SPOCK1: variants seen among roughly 807,000 people sequenced by gnomAD.
SPOCK1 encodes SPARC (osteonectin), cwcv and kazal like domains proteoglycan 1, also known as testican-1.
Under a neutral mutation model 55.3 loss-of-function variants are expected in SPOCK1, and 23 were observed. The observed-to-expected ratio is 0.42, with a 90% CI of 0.30 to 0.59. SPOCK1 has a LOEUF of 0.59. SPOCK1 is among the 20% of genes least tolerant of loss of function. SPOCK1 has a pLI of 0.22. For missense variants in SPOCK1, 499 were observed against 552.5 expected (o/e 0.90, Z 0.97); for synonymous variants, 226 against 221.0 (o/e 1.02, Z -0.20).
At chr5:137,055,472 TCAC>T (rs1752285584) in intron 6 of SPOCK1, among the ~76,000 whole-genome samples, 1 of 152,246 alleles carries the variant, frequency 6.6e-6, no homozygotes, top group South Asian at 2.1e-4. Context: ...TTATTTTAAC[TCAC>T]TATGCTTTCC....
At position 137,298,377 on chromosome 5, in the gene SPOCK1, T is replaced by C. The variant is rs114863867; in HGVS notation, c.187-31322A>G. 4.3e-3 allele frequency among the ~76,000 whole-genome samples: 650 copies of C among 152,332 alleles called. 3 individuals are homozygous for C. The highest frequency in any genetic ancestry group is 0.015 in the African/African-American group (628 of 41,570). ...GTCAGAGAACAAACTTCATAACATT[T>C]CAATGGTTTGAAATGTGGGTCTTAT... is the stretch of plus-strand genomic sequence containing the variant. On this transcript the variant is annotated intron_variant, in intron 2 of 10. Coordinates refer to ENST00000394945, the MANE Select transcript of SPOCK1 (RefSeq NM_004598.4).
chr5:137,287,241 G>A (rs755373767), intron 2 of SPOCK1, among the ~76,000 whole-genome samples: 10 of 152,130 alleles, frequency 6.6e-5, no homozygotes, highest in Non-Finnish European at 1.0e-4. Flanking sequence ...GAAGACAGCC[G>A]GGGTCCAGTC....
chr5:137,106,271 C>A (rs1259269541), intron 5 of SPOCK1, among the ~76,000 whole-genome samples: 4 of 152,100 alleles, frequency 2.6e-5, no homozygotes, highest in Non-Finnish European at 5.9e-5. Context: ...TGAGACTGCC[C>A]ACTTGGGTGA....
intron 5 of SPOCK1, among the ~76,000 whole-genome samples, chr5:137,093,149 G>C (rs1023207755): frequency 2.0e-5 from 3 of 152,192 alleles, no homozygotes; most frequent in African/African-American, 7.2e-5. Context: ...TGGGGATTAA[G>C]TTTCAATATG....
At position 137,136,344 on chromosome 5, in the gene SPOCK1, G is replaced by C. The variant is rs901846515; in HGVS notation, c.347+4236C>G. On this transcript the variant is annotated intron_variant, in intron 4 of 10. Coordinates refer to ENST00000394945, the MANE Select transcript of SPOCK1 (RefSeq NM_004598.4). ...GAGCCCAGGAGTTCAAGGTTACAGT[G>C]AGCTATGATCGCTCCACTGCCCTTC... 2.0e-5 allele frequency among the ~76,000 whole-genome samples: 3 copies of C among 152,022 alleles called. No homozygotes were observed. The East Asian group carries it at 5.8e-4, about 29-fold the overall frequency.
At chr5:137,318,890 T>G (rs909856700) in intron 2 of SPOCK1, among the ~76,000 whole-genome samples, 9 of 152,232 alleles carry the variant, frequency 5.9e-5, no homozygotes, top group Non-Finnish European at 8.8e-5. Context: ...ACTGACCGAT[T>G]CACCTGCTTC....
intron 6 of SPOCK1, among the ~76,000 whole-genome samples, chr5:137,039,410 G>A (rs1022779408): frequency 6.6e-6 from 1 of 150,984 alleles, no homozygotes; most frequent in Non-Finnish European, 1.5e-5. Flanking sequence ...GGACCTCAAT[G>A]CCCATGTTCA....
intron 2 of SPOCK1, among the ~76,000 whole-genome samples, chr5:137,408,144 C>T (rs780336252): frequency 6.6e-6 from 1 of 152,164 alleles, no homozygotes; most frequent in Non-Finnish European, 1.5e-5. Flanking sequence ...TGTTTTCTGG[C>T]TTAATGTCTG....
chr5:137,197,858 G>A (rs953539105), intron 3 of SPOCK1, among the ~76,000 whole-genome samples: 1 of 152,116 alleles, frequency 6.6e-6, no homozygotes, highest in Non-Finnish European at 1.5e-5. Context: ...AATTAAACAA[G>A]ACAATCTATA....
chr5:137,187,699 C>T (rs999725765), intron 3 of SPOCK1, among the ~76,000 whole-genome samples: 2 of 152,140 alleles, frequency 1.3e-5, no homozygotes, highest in Non-Finnish European at 2.9e-5. Context: ...TGGTGGCTGT[C>T]ACTGCTAAAC....
intron 6 of SPOCK1, among the ~76,000 whole-genome samples, chr5:137,062,122 C>T (rs576354819): frequency 3.2e-4 from 48 of 152,224 alleles, no homozygotes; most frequent in African/African-American, 1.1e-3. Context: ...TAAGTGGTAA[C>T]GTGTAAGAAT....
intron 2 of SPOCK1, among the ~76,000 whole-genome samples, chr5:137,370,042 G>A (rs1751163728): frequency 6.6e-6 from 1 of 152,140 alleles, no homozygotes; most frequent in African/African-American, 2.4e-5. Flanking sequence ...ATAAGAATAA[G>A]CCTAGCTGGC....
chr5:137,025,874 T>G, intron 6 of SPOCK1, among the ~76,000 whole-genome samples: 1 of 152,212 alleles, frequency 6.6e-6, no homozygotes, highest in South Asian at 2.1e-4. Context: ...CAGTCCATCA[T>G]GAGCCTCCTT....
chr5:137,193,350 G>A (rs768053330), intron 3 of SPOCK1, among the ~76,000 whole-genome samples: 1 of 152,166 alleles, frequency 6.6e-6, no homozygotes, highest in Admixed American at 6.5e-5. Flanking sequence ...TGACTGGGAC[G>A]TTAAGGGGAG....
intron 6 of SPOCK1, among the ~76,000 whole-genome samples, chr5:137,023,510 T>C (rs1329812229): frequency 6.6e-6 from 1 of 152,174 alleles, no homozygotes; most frequent in Non-Finnish European, 1.5e-5. Flanking sequence ...ACTATTGCTG[T>C]ACTTCTAAAA....
intron 5 of SPOCK1, among the ~76,000 whole-genome samples, chr5:137,097,260 G>A (rs552335534): frequency 3.9e-5 from 6 of 152,040 alleles, no homozygotes; most frequent in Non-Finnish European, 8.8e-5. Context: ...TTAGGGAGGG[G>A]GACTTGCCCA....
chr5:137,017,300 A>T (rs191644810), intron 6 of SPOCK1, among the ~76,000 whole-genome samples: 1 of 152,354 alleles, frequency 6.6e-6, no homozygotes, highest in East Asian at 1.9e-4. Context: ...GGAGCTTCAT[A>T]CACAGTTGCT....
intron 5 of SPOCK1, among the ~76,000 whole-genome samples, chr5:137,076,627 AAG>A (rs1554096238): frequency 8.7e-4 from 123 of 140,764 alleles, no homozygotes; most frequent in African/African-American, 3.5e-3. Flanking sequence ...AAAAAAAAAA[AAG>A]AATGGTTGAC....
At chr5:137,299,626 C>A (rs1450771230) in intron 2 of SPOCK1, among the ~76,000 whole-genome samples, 1 of 151,950 alleles carries the variant, frequency 6.6e-6, no homozygotes, top group Non-Finnish European at 1.5e-5. Flanking sequence ...AAATATTTTA[C>A]CTTCATTTTT....
Sources: gnomAD v4.1 joint callset for allele counts (sites outside exome capture counted in the v4.1 genomes callset) on GRCh38, gnomAD v4.1.1 for gene constraint, MANE v1.5 for transcripts, NCBI Gene and HGNC (gene_info 2026-07-23, HGNC 2026-07-21) for gene names.